Variants in TAOK3 observed in about 807,000 individuals in gnomAD.
TAOK3 encodes the protein TAO kinase 3, also known as serine/threonine-protein kinase TAO3.
TAOK3 carries 40 observed loss-of-function variants against 120.4 expected under a neutral mutation model. That is an observed-to-expected ratio of 0.33 (90% confidence interval 0.26 to 0.43). TAOK3 has a LOEUF of 0.43. Among genes scored for constraint, TAOK3 ranks in the 20% least tolerant of loss-of-function variants. TAOK3 has a pLI of 1.00. For missense variants in TAOK3, 821 were observed against 1,112.1 expected (o/e 0.74, Z 3.72); for synonymous variants, 355 against 387.5 (o/e 0.92, Z 0.99).
intron 9 of TAOK3, among the ~76,000 whole-genome samples, chr12:118,218,618 G>C (rs1435124975): frequency 6.6e-6 from 1 of 152,016 alleles, no homozygotes; most frequent in Non-Finnish European, 1.5e-5. Flanking sequence ...ACATTTTCTT[G>C]TCATTATTTC....
At chr12:118,187,166 G>T (rs2037126432) in intron 14 of TAOK3, among the ~76,000 whole-genome samples, 1 of 151,978 alleles carries the variant, frequency 6.6e-6, no homozygotes, top group South Asian at 2.1e-4. Context: ...TTCACCTTTG[G>T]ACCTCTTTGT....
chr12:118,337,424 G>C (rs922160269), intron 1 of TAOK3, among the ~76,000 whole-genome samples: 12 of 152,304 alleles, frequency 7.9e-5, no homozygotes, highest in African/African-American at 2.9e-4. Flanking sequence ...ATTTGTCCCA[G>C]GGAAATGGAG....
At chr12:118,267,665 T>C (rs2041512050) in intron 1 of TAOK3, among the ~76,000 whole-genome samples, 1 of 150,176 alleles carries the variant, frequency 6.7e-6, no homozygotes, top group South Asian at 2.1e-4. Flanking sequence ...GGCAGGCGGA[T>C]CACTAGGTCA....
intron 1 of TAOK3, among the ~76,000 whole-genome samples, chr12:118,289,048 C>T (rs980930098): frequency 2.0e-5 from 3 of 151,450 alleles, no homozygotes; most frequent in Non-Finnish European, 4.4e-5. Flanking sequence ...ACCTGTAATC[C>T]CAGCACTTTG....
At chr12:118,256,314 T>C (rs2040987000) in intron 2 of TAOK3, among the ~76,000 whole-genome samples, 1 of 152,180 alleles carries the variant, frequency 6.6e-6, no homozygotes, top group African/African-American at 2.4e-5. Flanking sequence ...ACACTGCTGG[T>C]AGCTGTGCCA....
At chr12:118,243,723 C>T (rs756046157) in intron 4 of TAOK3, among the ~76,000 whole-genome samples, 1 of 152,166 alleles carries the variant, frequency 6.6e-6, no homozygotes, top group Non-Finnish European at 1.5e-5. Flanking sequence ...ATCGCCCAGG[C>T]TGGACTGCAG....
chr12:118,275,248 CTT>C (rs2041865139), intron 1 of TAOK3, among the ~76,000 whole-genome samples: 1 of 152,116 alleles, frequency 6.6e-6, no homozygotes, highest in African/African-American at 2.4e-5. Context: ...AAGCAGCCCT[CTT>C]GTCTCAGCCT....
At chr12:118,283,482 A>C (rs1298876065) in intron 1 of TAOK3, 3 of 152,652 alleles carry the variant, frequency 2.0e-5, no homozygotes, top group Non-Finnish European at 2.9e-5. Flanking sequence ...CTGTAATCCC[A>C]ACACTTTGGG....
chr12:118,256,999 G>A (rs539180464), intron 2 of TAOK3, among the ~76,000 whole-genome samples: 10 of 152,214 alleles, frequency 6.6e-5, no homozygotes, highest in African/African-American at 1.9e-4. Flanking sequence ...GATACTATGC[G>A]CCAGGCAGCA....
intron 9 of TAOK3, among the ~76,000 whole-genome samples, chr12:118,220,896 C>T (rs2039197439): frequency 6.6e-6 from 1 of 152,204 alleles, no homozygotes; most frequent in African/African-American, 2.4e-5. Flanking sequence ...GTGATCTCAT[C>T]TATGTTCAAG....
At chr12:118,229,270 T>C (rs2039653726) in intron 9 of TAOK3, among the ~76,000 whole-genome samples, 1 of 152,012 alleles carries the variant, frequency 6.6e-6, no homozygotes, top group African/African-American at 2.4e-5. Flanking sequence ...ACAGGTAATT[T>C]TGTAATTTTA....
intron 1 of TAOK3, among the ~76,000 whole-genome samples, chr12:118,268,985 C>A (rs1220883505): frequency 6.6e-6 from 1 of 151,190 alleles, no homozygotes; most frequent in African/African-American, 2.4e-5. Context: ...TCCGGCCTGG[C>A]AACAAGAGCA....
intron 1 of TAOK3, among the ~76,000 whole-genome samples, chr12:118,300,889 C>A (rs1007261738): frequency 6.6e-6 from 1 of 152,112 alleles, no homozygotes; most frequent in African/African-American, 2.4e-5. Flanking sequence ...GATTCTCCTG[C>A]CTCAGACTCT....
chr12:118,240,931 C>T (rs1215791853), intron 5 of TAOK3, among the ~76,000 whole-genome samples: 1 of 150,138 alleles, frequency 6.7e-6, no homozygotes, highest in Non-Finnish European at 1.5e-5. Flanking sequence ...TATGTGATGT[C>T]TAGAAGTTTA....
chr12:118,278,577 T>C (rs1349988744), intron 1 of TAOK3, among the ~76,000 whole-genome samples: 1 of 152,160 alleles, frequency 6.6e-6, no homozygotes, highest in Non-Finnish European at 1.5e-5. Flanking sequence ...CATGTCTTTG[T>C]TATTGTGAAA....
chr12:118,291,113 CCGA>C (rs1275336282), intron 1 of TAOK3, among the ~76,000 whole-genome samples: 1 of 151,386 alleles, frequency 6.6e-6, no homozygotes, highest in Non-Finnish European at 1.5e-5. Flanking sequence ...GCCTCGGCGT[CCGA>C]AAGTACTGGG....
chr12:118,277,232 TC>T (rs1266736978), intron 1 of TAOK3, among the ~76,000 whole-genome samples: 4 of 152,174 alleles, frequency 2.6e-5, no homozygotes, highest in African/African-American at 9.7e-5. Context: ...CTACCTGTAC[TC>T]CTAGGAATAC....
At chr12:118,236,749 ACTTAT>A (rs1257315444) in intron 7 of TAOK3, 3 of 152,158 alleles carry the variant, frequency 2.0e-5, no homozygotes, top group Admixed American at 6.6e-5. Context: ...TATTTTCTCT[ACTTAT>A]CTTTAGTTAG....
chr12:118,247,856 A>G (rs931642262), intron 3 of TAOK3, among the ~76,000 whole-genome samples: 1 of 152,134 alleles, frequency 6.6e-6, no homozygotes, highest in African/African-American at 2.4e-5. Flanking sequence ...TTTTCTTAAA[A>G]TTTTCATAAA....
Sources: gnomAD v4.1 joint callset for allele counts (sites outside exome capture counted in the v4.1 genomes callset) on GRCh38, gnomAD v4.1.1 for gene constraint, MANE v1.5 for transcripts, NCBI Gene and HGNC (gene_info 2026-07-23, HGNC 2026-07-21) for gene names.